Variants in DAPK2 observed in about 807,000 individuals in gnomAD.
DAPK2 encodes death-associated protein kinase 2.
DAPK2 carries 35 observed loss-of-function variants against 44.1 expected under a neutral mutation model. That is an observed-to-expected ratio of 0.79 (90% CI 0.61 to 1.05). The LOEUF (loss-of-function observed/expected upper bound fraction) is 1.05, where lower values mean the gene tolerates loss of function less well. Among genes scored for constraint, DAPK2 ranks in the 50% least tolerant of loss-of-function variants. The pLI, the probability that DAPK2 is intolerant of heterozygous loss-of-function variation, is 0.00. For missense variants in DAPK2, 453 were observed against 483.2 expected, an observed-to-expected ratio of 0.94 and a Z score of 0.59; for synonymous variants, 174 against 182.6, an observed-to-expected ratio of 0.95 and a Z score of 0.38.
At chr15:64,038,323 G>A (rs1225076610) in intron 1 of DAPK2, among the ~76,000 whole-genome samples, 2 of 152,200 alleles carry the variant, frequency 1.3e-5, no homozygotes, top group Non-Finnish European at 2.9e-5. Context: ...ATGGCCAAGT[G>A]AGGGCACTGA....
At chr15:63,997,313 T>C (rs2078975567) in intron 1 of DAPK2, among the ~76,000 whole-genome samples, 1 of 152,224 alleles carries the variant, frequency 6.6e-6, no homozygotes, top group South Asian at 2.1e-4. Context: ...GTCCTTTGTC[T>C]ACCCCAGCTG....
chr15:64,027,294 G>C (rs2079876095), intron 1 of DAPK2, among the ~76,000 whole-genome samples: 1 of 152,128 alleles, frequency 6.6e-6, no homozygotes, highest in Non-Finnish European at 1.5e-5. Context: ...TGAGACGGGA[G>C]AATCACTTGA....
chr15:63,935,628 G>C (rs555770815), intron 4 of DAPK2: 1 of 152,116 alleles, frequency 6.6e-6, no homozygotes, highest in South Asian at 2.1e-4. Context: ...TTTCTGCCTG[G>C]TATATATTGT....
chr15:63,908,594 A>G lies in DAPK2; in HGVS notation c.1039T>C (p.Cys347Arg). Residue 347 changes from cysteine (C) to arginine (R), a missense_variant, in exon 11 of 11, where the codon TGT (cysteine) becomes CGT (arginine). Coordinates refer to ENST00000261891, the Ensembl canonical transcript of DAPK2. The surrounding 1 kb of genome is among the most constrained non-coding windows in gnomAD (Gnocchi z 5.7). ...ATGTCCTCCTCAGTGTCACTCTCAC[A>G]GTTCCTCTGGAGAAAAAAAAGAGAA... The G allele has an allele frequency of 6.3e-7, 1 of 1,597,422 alleles. No homozygotes were observed. Among genetic ancestry groups the G allele is most frequent in the Non-Finnish European group, 8.5e-7 (1 of 1,173,624 alleles).
rs753638020 is a variant in DAPK2, at chr15:63,908,606, G to GA, written c.1033-7dup. On this transcript the variant is annotated splice_region_variant and splice_polypyrimidine_tract_variant and intron_variant, in intron 10 of 10. Transcript: ENST00000261891. The surrounding 1 kb of genome is among the most constrained non-coding windows in gnomAD (Gnocchi z 5.7). ...GTGTCACTCTCACAGTTCCTCTGGA[G>GA]AAAAAAAAGAGAAAGAGGTCCAGGG... 39 of 1,586,686 alleles carry GA rather than the reference G, an allele frequency of 2.5e-5. No homozygotes were observed. The highest frequency in any genetic ancestry group is 1.1e-4 in the Admixed American group (6 of 55,304).
chr15:63,957,396 G>A (rs1731297641), intron 3 of DAPK2, among the ~76,000 whole-genome samples: 1 of 151,918 alleles, frequency 6.6e-6, no homozygotes, highest in African/African-American at 2.4e-5. Flanking sequence ...TAGGGTACAT[G>A]GGCACAACGC....
At chr15:64,002,955 TGTG>T (rs2079126535) in intron 1 of DAPK2, among the ~76,000 whole-genome samples, 1 of 118,680 alleles carries the variant, frequency 8.4e-6, no homozygotes, top group African/African-American at 3.2e-5. Flanking sequence ...TGTGTGTGTG[TGTG>T]TGTGTGTCGT....
At chr15:63,940,403 G>A (rs984867489) in intron 3 of DAPK2, among the ~76,000 whole-genome samples, 39 of 151,864 alleles carry the variant, frequency 2.6e-4, no homozygotes, top group African/African-American at 9.2e-4. Context: ...TGAAGCCAAA[G>A]AAAAAAATAA....
chr15:63,940,295 C>G (rs181112099), intron 3 of DAPK2, among the ~76,000 whole-genome samples: 2 of 151,698 alleles, frequency 1.3e-5, no homozygotes, highest in African/African-American at 2.4e-5. Flanking sequence ...TCCCAATATC[C>G]CTGAAGGGGA....
chr15:63,908,555 C>A lies in DAPK2; in HGVS notation c.1078G>T (p.Ala360Ser). 1 of 1,602,482 alleles carries A rather than the reference C, an allele frequency of 6.2e-7. No individual in the cohort carries two copies. The change falls in exon 11 of 11, where the codon GCC becomes TCC. Residue 360 changes from alanine to serine, a missense_variant. By Grantham distance (99) the Ala-to-Ser change is moderately conservative. Transcript: ENST00000261891. The surrounding 1 kb of genome is among the most constrained non-coding windows in gnomAD (Gnocchi z 5.7). ...CTGCTCCTCCTCCGTGGGTGGAGGG[C>A]TTTCCTCCTGGCGATGTCCTCCTCA...
At chr15:63,957,242 T>C (rs2077749901) in intron 3 of DAPK2, among the ~76,000 whole-genome samples, 1 of 152,262 alleles carries the variant, frequency 6.6e-6, no homozygotes, top group South Asian at 2.1e-4. Context: ...ACTCCTGCTC[T>C]TTTTTAGTTT....
At chr15:63,986,157 A>G (rs1180515521) in intron 1 of DAPK2, among the ~76,000 whole-genome samples, 1 of 152,194 alleles carries the variant, frequency 6.6e-6, no homozygotes, top group Non-Finnish European at 1.5e-5. Context: ...AAGAGCAGAG[A>G]ACACCCTCCA....
At chr15:64,012,856 T>C (rs929028978) in intron 1 of DAPK2, among the ~76,000 whole-genome samples, 1 of 152,220 alleles carries the variant, frequency 6.6e-6, no homozygotes, top group Non-Finnish European at 1.5e-5. Context: ...ATTTTCTTTC[T>C]TAACTATACA....
chr15:63,975,971 T>C (rs2078335492), intron 2 of DAPK2, among the ~76,000 whole-genome samples: 1 of 152,120 alleles, frequency 6.6e-6, no homozygotes, highest in Non-Finnish European at 1.5e-5. Flanking sequence ...CCATCCTAAA[T>C]AAAGAACATC....
upstream of DAPK2, among the ~76,000 whole-genome samples, chr15:64,043,010 G>C (rs1231122583): frequency 6.6e-6 from 1 of 152,224 alleles, no homozygotes; most frequent in African/African-American, 2.4e-5. Flanking sequence ...AACCCAGAGG[G>C]AGAGAATAGA....
chr15:63,932,662 T>A (rs1052144621), intron 4 of DAPK2: 2 of 151,776 alleles, frequency 1.3e-5, no homozygotes, highest in African/African-American at 4.8e-5. Context: ...ATGGAAAAGG[T>A]GGAGAGTGGG....
intron 4 of DAPK2, chr15:63,932,556 T>C (rs576292596): frequency 9.2e-5 from 14 of 152,024 alleles, no homozygotes; most frequent in African/African-American, 3.1e-4. Flanking sequence ...TATTTATTTT[T>C]TTTAGATGAC....
chr15:63,929,888 A>G, intron 5 of DAPK2: 2 of 536,860 alleles, frequency 3.7e-6, no homozygotes, highest in South Asian at 1.6e-5. Context: ...AAATGAGGAT[A>G]ATGATAACTA....
chr15:63,921,791 G>C (rs1320264598), intron 8 of DAPK2: 1 of 152,218 alleles, frequency 6.6e-6, no homozygotes. Context: ...AGAGGAGAAA[G>C]GGTGGAGAAT....
Sources: allele counts gnomAD v4.1 joint callset (sites outside exome capture counted in the v4.1 genomes callset), GRCh38; gene constraint gnomAD v4.1.1; non-coding constraint Gnocchi (gnomAD v3.1); transcripts MANE v1.5; gene names NCBI Gene and HGNC (gene_info 2026-07-23, HGNC 2026-07-21).